Variants in PRR16 observed in about 807,000 individuals in gnomAD.
PRR16 encodes the protein proline rich 16, also known as protein Largen.
PRR16 carries 6 observed loss-of-function variants against 18.2 expected under a neutral mutation model. The ratio of observed to expected loss-of-function variants is 0.33; its 90% confidence interval spans 0.18 to 0.65. The LOEUF (loss-of-function observed/expected upper bound fraction) is 0.65, where lower values mean the gene tolerates loss of function less well. Ranked by LOEUF, PRR16 falls within the 30% of genes least tolerant of loss-of-function variation. The pLI is 0.74. For missense variants in PRR16, 412 were observed against 376.6 expected, an observed-to-expected ratio of 1.09 and a Z score of -0.78; for synonymous variants, 151 against 147.8, an observed-to-expected ratio of 1.02 and a Z score of -0.16.
chr5:120,621,192 G>T (rs1397490188), intron 1 of PRR16, among the ~76,000 whole-genome samples: 1 of 151,890 alleles, frequency 6.6e-6, no homozygotes, highest in African/African-American at 2.4e-5. Context: ...TCCTTCTTTT[G>T]CTTTCTTACA....
the PRR16 span, among the ~76,000 whole-genome samples, chr5:120,762,293 C>CTGTT: frequency 3.3e-5 from 5 of 152,182 alleles, no homozygotes; most frequent in African/African-American, 1.2e-4. Flanking sequence ...AATCTCCATA[C>CTGTT]TGTTTTTCAT....
intron 1 of PRR16, among the ~76,000 whole-genome samples, chr5:120,608,041 G>T (rs1180846840): frequency 6.6e-6 from 1 of 152,142 alleles, no homozygotes; most frequent in Non-Finnish European, 1.5e-5. Context: ...GCAGGCAATG[G>T]AAATAATTTG....
chr5:120,498,104 C>T (rs529039697), intron 1 of PRR16, among the ~76,000 whole-genome samples: 2 of 151,154 alleles, frequency 1.3e-5, no homozygotes, highest in African/African-American at 4.8e-5. Context: ...CATTCCTTCT[C>T]TCTGTTTTCT....
At chr5:120,724,722 A>T in the PRR16 span, among the ~76,000 whole-genome samples, 1 of 151,954 alleles carries the variant, frequency 6.6e-6, no homozygotes, top group African/African-American at 2.4e-5. Context: ...CACATCTATT[A>T]TGCTCTTTTA....
intron 1 of PRR16, among the ~76,000 whole-genome samples, chr5:120,613,290 G>T (rs1016947639): frequency 2.0e-5 from 3 of 151,880 alleles, no homozygotes; most frequent in African/African-American, 7.2e-5. Context: ...TTATAAAAAA[G>T]AAATACTAGA....
chr5:120,772,033 C>A, the PRR16 span, among the ~76,000 whole-genome samples: 1 of 151,972 alleles, frequency 6.6e-6, no homozygotes, highest in Non-Finnish European at 1.5e-5. Context: ...TTCTTATTTT[C>A]CAAGGATTTT....
At chr5:120,608,209 G>T (rs1754219113) in intron 1 of PRR16, among the ~76,000 whole-genome samples, 1 of 152,164 alleles carries the variant, frequency 6.6e-6, no homozygotes, top group Non-Finnish European at 1.5e-5. Context: ...GATAGCACAA[G>T]AATGGAGTAA....
intron 1 of PRR16, among the ~76,000 whole-genome samples, chr5:120,498,808 G>T (rs1750346795): frequency 6.6e-6 from 1 of 151,902 alleles, no homozygotes; most frequent in African/African-American, 2.4e-5. Context: ...ATTCTAGGTA[G>T]CTAGTTCTTT....
the PRR16 span, among the ~76,000 whole-genome samples, chr5:120,720,030 T>G: frequency 6.6e-6 from 1 of 152,056 alleles, no homozygotes; most frequent in African/African-American, 2.4e-5. Flanking sequence ...TTTTATCAGT[T>G]ACTTAGGCCC....
At chr5:120,571,830 C>G (rs1378584190) in intron 1 of PRR16, among the ~76,000 whole-genome samples, 1 of 152,076 alleles carries the variant, frequency 6.6e-6, no homozygotes, top group Non-Finnish European at 1.5e-5. Flanking sequence ...CCATGAGGGC[C>G]TAAGTGAGTT....
chr5:120,468,449 A>G (rs1367204420), intron 1 of PRR16, among the ~76,000 whole-genome samples: 1 of 152,180 alleles, frequency 6.6e-6, no homozygotes, highest in Non-Finnish European at 1.5e-5. Context: ...AGAGTAATCC[A>G]TGTTGCATTT....
chr5:120,544,776 A>G (rs1255887933), intron 1 of PRR16, among the ~76,000 whole-genome samples: 1 of 151,982 alleles, frequency 6.6e-6, no homozygotes, highest in African/African-American at 2.4e-5. Flanking sequence ...AGGAGGCCTC[A>G]AGCTCAGCTT....
chr5:120,786,533 A>G, the PRR16 span, among the ~76,000 whole-genome samples: 1 of 139,490 alleles, frequency 7.2e-6, no homozygotes, highest in African/African-American at 3.0e-5. Flanking sequence ...TATATTATAT[A>G]TATTATTTTA....
intron 1 of PRR16, among the ~76,000 whole-genome samples, chr5:120,556,951 A>G (rs1055657659): frequency 1.3e-5 from 2 of 151,190 alleles, no homozygotes; most frequent in Non-Finnish European, 3.0e-5. Context: ...GCTACATGAA[A>G]AAAAAAAAAA....
intron 1 of PRR16, among the ~76,000 whole-genome samples, chr5:120,649,783 T>C (rs1206485732): frequency 6.6e-6 from 1 of 152,100 alleles, no homozygotes; most frequent in East Asian, 1.9e-4. Flanking sequence ...ACTTGTTTTC[T>C]TGGGAGATAA....
chr5:120,634,656 A>T (rs1474781055), intron 1 of PRR16, among the ~76,000 whole-genome samples: 2 of 152,290 alleles, frequency 1.3e-5, no homozygotes, highest in Middle Eastern at 3.4e-3. Context: ...AAATTAAAAA[A>T]TTAAGTCTGA....
intron 1 of PRR16, among the ~76,000 whole-genome samples, chr5:120,630,890 T>G (rs1524561): frequency 0.47 from 71,243 of 152,010 alleles, 17,435 homozygotes; most frequent in East Asian, 0.86. Flanking sequence ...GATACGCATT[T>G]TGAGAGATGT....
At chr5:120,597,498 G>A (rs1753852572) in intron 1 of PRR16, among the ~76,000 whole-genome samples, 1 of 151,276 alleles carries the variant, frequency 6.6e-6, no homozygotes, top group South Asian at 2.1e-4. Flanking sequence ...GATTTATTTT[G>A]GAATGTCATA....
Position 120,577,343 on chromosome 5 carries a change from A to T in PRR16, c.160-108611A>T, listed in dbSNP as rs571559547. 4.7e-4 allele frequency among the ~76,000 whole-genome samples: 71 copies of T among 151,990 alleles called. 1 individual carries two copies. Among genetic ancestry groups the T allele is most frequent in the Admixed American group, 1.5e-3 (23 of 15,222 alleles). On this transcript the variant is annotated intron_variant, in intron 1 of 1. Coordinates refer to ENST00000407149, the MANE Select transcript of PRR16 (RefSeq NM_001300783.2). ...ATGTTGTAAATTCAGAAAAATGTAG[A>T]AAGTAGAGAGAGACTGTTTTATTGA...
Sources: allele counts gnomAD v4.1 joint callset (sites outside exome capture counted in the v4.1 genomes callset), GRCh38; gene constraint gnomAD v4.1.1; transcripts MANE v1.5; gene names NCBI Gene and HGNC (gene_info 2026-07-23, HGNC 2026-07-21).